ADAM23: variants seen among roughly 807,000 people sequenced by gnomAD.
ADAM23 encodes ADAM metallopeptidase domain 23, also known as disintegrin and metalloproteinase domain-containing protein 23.
In ADAM23, 33 loss-of-function variants were observed where a neutral mutation model predicts 120.1. The ratio of observed to expected loss-of-function variants is 0.27; its 90% CI spans 0.21 to 0.37. ADAM23 has a LOEUF of 0.37. ADAM23 is among the 10% of genes least tolerant of loss of function. The pLI is 1.00. For synonymous variants in ADAM23, 367 were observed against 375.2 expected (o/e 0.98, Z 0.25); for missense variants, 862 against 1,058.2 (o/e 0.81, Z 2.57).
At chr2:206,615,069 G>A (rs928139227) in intron 25 of ADAM23, among the ~76,000 whole-genome samples, 3 of 152,158 alleles carry the variant, frequency 2.0e-5, no homozygotes, top group Non-Finnish European at 4.4e-5. Flanking sequence ...TGATAAGAAT[G>A]TGCTAACCAT....
intron 4 of ADAM23, among the ~76,000 whole-genome samples, chr2:206,538,809 C>T (rs1697233707): frequency 6.6e-6 from 1 of 152,102 alleles, no homozygotes; most frequent in Non-Finnish European, 1.5e-5. Context: ...CAGGGTCTTT[C>T]TACATTGCCC....
chr2:206,512,229 CA>C (rs1417519836), intron 3 of ADAM23, among the ~76,000 whole-genome samples: 5 of 152,176 alleles, frequency 3.3e-5, no homozygotes, highest in Non-Finnish European at 7.3e-5. Flanking sequence ...ATTTTCTAAA[CA>C]AGCTGCTTAA....
At chr2:206,452,042 T>A (rs1695205400) in intron 2 of ADAM23, among the ~76,000 whole-genome samples, 1 of 152,206 alleles carries the variant, frequency 6.6e-6, no homozygotes, top group African/African-American at 2.4e-5. Flanking sequence ...GTGTGATGAT[T>A]TCTCTTGAAG....
At chr2:206,566,761 A>G (rs1012743722) in intron 14 of ADAM23, among the ~76,000 whole-genome samples, 1 of 152,018 alleles carries the variant, frequency 6.6e-6, no homozygotes, top group African/African-American at 2.4e-5. Context: ...GGCCTGCATG[A>G]TATAGTCTTT....
At chr2:206,460,100 A>C (rs1380695713) in intron 2 of ADAM23, among the ~76,000 whole-genome samples, 1 of 137,160 alleles carries the variant, frequency 7.3e-6, no homozygotes, top group Non-Finnish European at 1.6e-5. Context: ...ATCTACTCAG[A>C]ATGACTTTTT....
intron 2 of ADAM23, among the ~76,000 whole-genome samples, chr2:206,477,897 A>AAAAAATATATATATATATATATATATAT (rs374524658): frequency 3.4e-4 from 32 of 93,522 alleles, no homozygotes; most frequent in Non-Finnish European, 4.7e-4. Context: ...AAAAAAAAAA[A>AAAAAATATATATATATATATATATATAT]ATATATATAT....
intron 25 of ADAM23, among the ~76,000 whole-genome samples, chr2:206,613,789 C>G (rs1698881349): frequency 6.6e-6 from 1 of 152,176 alleles, no homozygotes; most frequent in South Asian, 2.1e-4. Context: ...AATTTCATAT[C>G]TCCATTTAAA....
chr2:206,459,320 C>G (rs1049621746), intron 2 of ADAM23, among the ~76,000 whole-genome samples: 17 of 152,168 alleles, frequency 1.1e-4, no homozygotes, highest in Non-Finnish European at 2.4e-4. Flanking sequence ...AATTATTATT[C>G]TTTACCCTTC....
intron 3 of ADAM23, among the ~76,000 whole-genome samples, chr2:206,524,246 T>C (rs1696901209): frequency 6.6e-6 from 1 of 152,244 alleles, no homozygotes; most frequent in Admixed American, 6.5e-5. Flanking sequence ...CTTACATGTT[T>C]TACTACTGAG....
At chr2:206,526,465 T>G (rs1418133972) in intron 3 of ADAM23, among the ~76,000 whole-genome samples, 1 of 152,216 alleles carries the variant, frequency 6.6e-6, no homozygotes, top group East Asian at 1.9e-4. Flanking sequence ...AGTAGCTCTT[T>G]TAGACAGTTC....
intron 3 of ADAM23, among the ~76,000 whole-genome samples, chr2:206,527,637 G>A (rs981338293): frequency 8.5e-5 from 13 of 152,178 alleles, no homozygotes; most frequent in African/African-American, 3.1e-4. Context: ...CTGTTTCCAA[G>A]CCCCTATAGC....
intron 3 of ADAM23, among the ~76,000 whole-genome samples, chr2:206,508,057 T>C (rs1020978033): frequency 6.6e-6 from 1 of 151,730 alleles, no homozygotes; most frequent in Non-Finnish European, 1.5e-5. Context: ...TGAGACGGAG[T>C]CTCGCTCTGT....
intron 3 of ADAM23, among the ~76,000 whole-genome samples, chr2:206,487,312 C>T (rs1696035265): frequency 6.6e-6 from 1 of 152,082 alleles, no homozygotes; most frequent in African/African-American, 2.4e-5. Context: ...TGGCTTCAGT[C>T]AGTCTTTTTC....
At position 206,617,806 on chromosome 2, in the gene ADAM23, G is replaced by A; in HGVS notation, c.*179G>A. 6.8e-6 allele frequency: 9 copies of A among 1,329,184 alleles called. No homozygotes were observed. The highest frequency in any genetic ancestry group is 8.9e-6 in the Non-Finnish European group (9 of 1,013,324). The allele number at this position is 1,329,184 out of a possible 1,614,324, so 82.3% of individuals were successfully genotyped here. A position where few individuals can be genotyped will look rare whatever the true frequency, so the allele number is the denominator to read the frequency against. Reference sequence around the variant, plus strand: ...GAAAACTGTCTCTTTTGGAAATAATGTCAAAGAACACCTTTCACCACCTGT... The same window carrying A: ...GAAAACTGTCTCTTTTGGAAATAATATCAAAGAACACCTTTCACCACCTGT... On this transcript the variant is annotated 3_prime_UTR_variant, in exon 26 of 26. Coordinates refer to ENST00000264377, the MANE Select transcript of ADAM23 (RefSeq NM_003812.4).
At chr2:206,559,370 A>C (rs1466966390) in intron 10 of ADAM23, among the ~76,000 whole-genome samples, 1 of 152,196 alleles carries the variant, frequency 6.6e-6, no homozygotes, top group Non-Finnish European at 1.5e-5. Context: ...CAATTTAAAT[A>C]TTGTGGGTGA....
intron 3 of ADAM23, among the ~76,000 whole-genome samples, chr2:206,497,144 T>C (rs1458975131): frequency 2.6e-5 from 4 of 152,198 alleles, no homozygotes; most frequent in Non-Finnish European, 5.9e-5. Flanking sequence ...CCTCCCTAAC[T>C]CATTTTATGA....
chr2:206,464,560 G>T (rs2300975), intron 2 of ADAM23, among the ~76,000 whole-genome samples: 2,428 of 151,694 alleles, frequency 0.016, 129 homozygotes, highest in Admixed American at 0.099. Flanking sequence ...GGGTGACAGA[G>T]TGAGACTGTC....
chr2:206,571,979 C>T (rs1272168298), intron 17 of ADAM23, among the ~76,000 whole-genome samples, 163 bp downstream of exon 17: 1 of 152,028 alleles, frequency 6.6e-6, no homozygotes, highest in Non-Finnish European at 1.5e-5. Context: ...TTCTGTGGGC[C>T]GCAACATTTA....
At chr2:206,522,141 A>T (rs1340613985) in intron 3 of ADAM23, among the ~76,000 whole-genome samples, 1 of 151,874 alleles carries the variant, frequency 6.6e-6, no homozygotes, top group Non-Finnish European at 1.5e-5. Flanking sequence ...ATATGTATGT[A>T]TATTCATATA....
Sources: gnomAD v4.1 joint callset for allele counts (sites outside exome capture counted in the v4.1 genomes callset) on GRCh38, gnomAD v4.1.1 for gene constraint, MANE v1.5 for transcripts, NCBI Gene and HGNC (gene_info 2026-07-23, HGNC 2026-07-21) for gene names.